EMC2: variants seen among roughly 807,000 people sequenced by gnomAD.
The protein encoded by EMC2 is TPR repeat protein 35.
A neutral mutation model predicts 51.6 loss-of-function variants in EMC2; 37 were observed. The observed-to-expected ratio is 0.72, with a 90% confidence interval of 0.55 to 0.94. The LOEUF is 0.94. Ranked by LOEUF, EMC2 falls within the 40% of genes least tolerant of loss-of-function variation. The pLI, the probability that EMC2 is intolerant of heterozygous loss-of-function variation, is 0.00. For synonymous variants in EMC2, 131 were observed against 112.4 expected (o/e 1.17, Z -1.04); for missense variants, 359 against 350.9 (o/e 1.02, Z -0.18).
chr8:108,456,748 A>G (rs1475886635), intron 5 of EMC2, among the ~76,000 whole-genome samples: 3 of 152,220 alleles, frequency 2.0e-5, no homozygotes, highest in African/African-American at 7.2e-5. Flanking sequence ...GTTTATTGCC[A>G]TAATAGATTC....
intron 5 of EMC2, among the ~76,000 whole-genome samples, chr8:108,457,662 T>C (rs1819202969): frequency 6.6e-6 from 1 of 152,084 alleles, no homozygotes; most frequent in Non-Finnish European, 1.5e-5. Context: ...GTGCAGGAGA[T>C]ACCCGCCCCC....
At position 108,449,056 on chromosome 8, in the gene EMC2, A is replaced by G. The variant is rs1396977906; in HGVS notation, c.41-767A>G. Reference sequence around the variant, plus strand: ...ATCCTAGTGTGTTTATTTAATTCCCAGCTACCAGTAGTTCTTTCTGTATAG... The same window carrying G: ...ATCCTAGTGTGTTTATTTAATTCCCGGCTACCAGTAGTTCTTTCTGTATAG... On this transcript the variant is annotated intron_variant, in intron 1 of 10. Coordinates refer to ENST00000220853, the MANE Select transcript of EMC2 (RefSeq NM_014673.5). Among the ~76,000 whole-genome samples the G allele has an allele frequency of 2.0e-5, 3 of 152,176 alleles. No homozygotes were observed. The East Asian group carries it at 5.8e-4, about 29-fold the overall frequency.
chr8:108,475,734 A>G (rs1810934613), intron 7 of EMC2, 148 bp from the exon 8 acceptor site: 1 of 543,244 alleles, frequency 1.8e-6, no homozygotes. Context: ...ATTTCAGATG[A>G]CAAATACTTT....
At chr8:108,484,380 T>G (rs1411978844) in intron 10 of EMC2, among the ~76,000 whole-genome samples, 1 of 152,062 alleles carries the variant, frequency 6.6e-6, no homozygotes, top group African/African-American at 2.4e-5. Flanking sequence ...TTTCCAACTT[T>G]CTTTTATTTG....
At chr8:108,472,290 T>G (rs76448884) in intron 7 of EMC2, among the ~76,000 whole-genome samples, 1 of 151,932 alleles carries the variant, frequency 6.6e-6, no homozygotes, top group Non-Finnish European at 1.5e-5. Context: ...AATTTACTTA[T>G]TTTTTTCACC....
intron 7 of EMC2, among the ~76,000 whole-genome samples, chr8:108,472,561 TAGAA>T (rs572573614): frequency 2.2e-4 from 33 of 151,750 alleles, no homozygotes; most frequent in Non-Finnish European, 4.0e-4. Flanking sequence ...ATTGAACACT[TAGAA>T]GGAATATTTA....
At chr8:108,462,963 A>C (rs1288267209) in intron 5 of EMC2, among the ~76,000 whole-genome samples, 1 of 151,938 alleles carries the variant, frequency 6.6e-6, no homozygotes, top group East Asian at 1.9e-4. Flanking sequence ...GCTTTTTTCA[A>C]ATTTCATTTC....
intron 7 of EMC2, 55 bp from the exon 8 acceptor site, chr8:108,475,827 T>G: frequency 1.0e-6 from 1 of 974,616 alleles, no homozygotes. Flanking sequence ...AAGGTTTAAC[T>G]AAGATAAAAA....
In EMC2 at chr8:108,481,408, A is replaced by G. The variant is rs181312237; in HGVS notation, c.807+2298A>G. ...CAGTTTGGGATAGCTCAGATCTGTA[A>G]TGGAGTTCCACACAGAGTAGGCTTG... On this transcript the variant is annotated intron_variant, in intron 10 of 10. Transcript: ENST00000220853. 2.8e-3 allele frequency among the ~76,000 whole-genome samples: 428 copies of G among 152,050 alleles called. 4 individuals are homozygous for G. The highest frequency in any genetic ancestry group is 4.0e-3 in the Non-Finnish European group (272 of 67,964).
chr8:108,443,749 G>C, intron 1 of EMC2, 51 bp downstream of exon 1: 2 of 1,509,038 alleles, frequency 1.3e-6, no homozygotes, highest in South Asian at 2.4e-5. Context: ...CTGGGAAGCC[G>C]TTCGGGAGTA....
chr8:108,477,625 T>A (rs1405208779), intron 9 of EMC2, among the ~76,000 whole-genome samples: 1 of 152,012 alleles, frequency 6.6e-6, no homozygotes, highest in Non-Finnish European at 1.5e-5. Context: ...AAACAATTTT[T>A]AAAAAGGAAT....
Position 108,453,147 on chromosome 8 carries a change from G to T in EMC2, c.305G>T (p.Arg102Ile). ...GGCATGAGATTTGAAGCCATGGAAAGGTAACCAAATCTTATCAGCTGGCAG... is the reference window on the plus strand; with the variant it reads ...GGCATGAGATTTGAAGCCATGGAAATGTAACCAAATCTTATCAGCTGGCAG... ...LTGMRFEAME[R>I]YDDAIQLYDR... The change falls in exon 4 of 11, where the codon AGA becomes ATA. Residue 102 changes from arginine (R) to isoleucine (I), a missense_variant and splice_region_variant. Transcript: ENST00000220853. 1 of 1,582,906 alleles carries T rather than the reference G, an allele frequency of 6.3e-7. No individual in the cohort carries two copies. Among genetic ancestry groups the T allele is most frequent in the Non-Finnish European group, 8.6e-7 (1 of 1,159,758 alleles).
At chr8:108,474,993 A>G (rs1475322950) in intron 7 of EMC2, 1 of 151,998 alleles carries the variant, frequency 6.6e-6, no homozygotes, top group East Asian at 1.9e-4. Context: ...TTTTAAAAGT[A>G]TATCAGGCAG....
At chr8:108,474,066 T>C (rs965108766) in intron 7 of EMC2, 11 of 152,054 alleles carry the variant, frequency 7.2e-5, no homozygotes, top group African/African-American at 2.7e-4. Flanking sequence ...TTCTATATTT[T>C]ATCCACAAAA....
intron 5 of EMC2, among the ~76,000 whole-genome samples, chr8:108,463,237 A>G (rs1262081816): frequency 6.6e-6 from 1 of 152,228 alleles, no homozygotes; most frequent in African/African-American, 2.4e-5. Flanking sequence ...TCATCGAAAT[A>G]GGATATATTT....
intron 1 of EMC2, among the ~76,000 whole-genome samples, chr8:108,447,923 AT>A (rs1818917778): frequency 6.6e-6 from 1 of 152,156 alleles, no homozygotes; most frequent in African/African-American, 2.4e-5. Context: ...CAGTTACCAG[AT>A]TTTTTTAAAA....
intron 4 of EMC2, 40 bp downstream of exon 4, chr8:108,453,187 A>G: frequency 8.2e-7 from 1 of 1,224,530 alleles, no homozygotes; most frequent in Non-Finnish European, 1.2e-6. Context: ...GGAGCCTGTT[A>G]ATCATGGTGG....
intron 5 of EMC2, among the ~76,000 whole-genome samples, chr8:108,463,160 A>C (rs1819371711): frequency 6.6e-6 from 1 of 152,196 alleles, no homozygotes; most frequent in African/African-American, 2.4e-5. Context: ...TTTTATTCTT[A>C]GAGAATGGAG....
Position 108,487,081 on chromosome 8 carries a change from G to C in EMC2, c.*483G>C, listed in dbSNP as rs1295217964. Among the ~76,000 whole-genome samples the C allele has an allele frequency of 6.6e-6, 1 of 152,040 alleles. No homozygotes were observed. The highest frequency in any genetic ancestry group is 6.5e-5 in the Admixed American group (1 of 15,276). The stretch of plus-strand genomic sequence containing the variant: ...TTATATTGTCGAATTGGATTTTGCT[G>C]TACATTCCAGTGGGCTATTTGAATT... On this transcript the variant is annotated 3_prime_UTR_variant, in exon 11 of 11. Transcript: ENST00000220853.
Sources: gnomAD v4.1 joint callset for allele counts (sites outside exome capture counted in the v4.1 genomes callset) on GRCh38, gnomAD v4.1.1 for gene constraint, MANE v1.5 for transcripts, NCBI Gene and HGNC (gene_info 2026-07-23, HGNC 2026-07-21) for gene names.